The following PLD1 variants were observed in gnomAD, a reference collection of about 807,000 sequenced individuals.
PLD1 encodes choline phosphatase 1.
Under a neutral mutation model 137.1 loss-of-function variants are expected in PLD1, and 112 were observed. That is an observed-to-expected ratio of 0.82 (90% confidence interval 0.70 to 0.96). The LOEUF is 0.96. PLD1 is among the 40% of genes least tolerant of loss of function. PLD1 has a pLI of 0.00. For missense variants in PLD1, 1,321 were observed against 1,342.0 expected (o/e 0.98, Z 0.24); for synonymous variants, 431 against 454.7 (o/e 0.95, Z 0.66).
chr3:171,635,754 AG>A (rs1735048977), intron 23 of PLD1, among the ~76,000 whole-genome samples: 2 of 151,956 alleles, frequency 1.3e-5, no homozygotes, highest in Non-Finnish European at 2.9e-5. Context: ...TGGAGCACAA[AG>A]GCTTTCAAGC....
intron 23 of PLD1, among the ~76,000 whole-genome samples, chr3:171,630,958 T>C (rs990604309): frequency 2.0e-5 from 3 of 151,652 alleles, no homozygotes; most frequent in Non-Finnish European, 4.4e-5. Flanking sequence ...GGCACATGTA[T>C]ACATATGTAA....
chr3:171,737,813 G>A, intron 2 of PLD1, 79 bp downstream of exon 2: 1 of 1,470,758 alleles, frequency 6.8e-7, no homozygotes, highest in Non-Finnish European at 9.2e-7. Flanking sequence ...TCAATCATTT[G>A]CTGGTTACTT....
intron 1 of PLD1, among the ~76,000 whole-genome samples, chr3:171,750,210 G>A (rs1050823332): frequency 1.3e-5 from 2 of 152,120 alleles, no homozygotes; most frequent in East Asian, 1.9e-4. Flanking sequence ...TTTAGTGAAC[G>A]AATAAGTAGA....
At chr3:171,707,519 A>G (rs1390236947) in intron 11 of PLD1, among the ~76,000 whole-genome samples, 3 of 152,194 alleles carry the variant, frequency 2.0e-5, no homozygotes, top group Non-Finnish European at 4.4e-5. Context: ...TCCTCCTAGT[A>G]ACTGACTGAA....
chr3:171,770,263 G>C (rs753089864), intron 1 of PLD1, among the ~76,000 whole-genome samples: 35 of 152,128 alleles, frequency 2.3e-4, no homozygotes, highest in Non-Finnish European at 4.7e-4. Context: ...CAGCAAAACT[G>C]AAGACAAAAT....
At chr3:171,747,225 C>G (rs147317288) in intron 1 of PLD1, among the ~76,000 whole-genome samples, 1 of 152,152 alleles carries the variant, frequency 6.6e-6, no homozygotes, top group Non-Finnish European at 1.5e-5. Flanking sequence ...CGGCTTCATT[C>G]GTGAAGTCAG....
In PLD1 at chr3:171,612,760, T is replaced by C. The variant is rs913728826; in HGVS notation, c.2729-328A>G. 1.3e-5 allele frequency among the ~76,000 whole-genome samples: 2 copies of C among 152,208 alleles called. No individual in the cohort carries two copies. Among genetic ancestry groups the C allele is most frequent in the African/African-American group, 4.8e-5 (2 of 41,456 alleles). On this transcript the variant is annotated intron_variant, in intron 24 of 26. Transcript: ENST00000351298. This position sits in a 1 kb window ranked among gnomAD's most constrained non-coding sequence, Gnocchi z 4.1. The stretch of plus-strand genomic sequence containing the variant: ...CACACAAAAAATGGATTCTGTCTCT[T>C]CCATCCTTTGGATATCTTGGCTTGA...
At chr3:171,711,817 T>TAAAAAAAAAAAAAAAAAAA (rs36106956) in intron 9 of PLD1, among the ~76,000 whole-genome samples, 2 of 99,206 alleles carry the variant, frequency 2.0e-5, no homozygotes, top group African/African-American at 7.9e-5. Flanking sequence ...TTATAAATGC[T>TAAAAAAAAAAAAAAAAAAA]AAAAAAAAAA....
chr3:171,714,122 C>G (rs115713729), intron 8 of PLD1, 77 bp from the exon 9 acceptor site: 20,756 of 859,518 alleles, frequency 0.024, 322 homozygotes, highest in Non-Finnish European at 0.031. Flanking sequence ...TATGACAAGT[C>G]TTAAGTAATC....
chr3:171,608,424 C>T (rs1460995534), intron 25 of PLD1, among the ~76,000 whole-genome samples: 1 of 152,102 alleles, frequency 6.6e-6, no homozygotes, highest in Non-Finnish European at 1.5e-5. Flanking sequence ...GTAAACAATT[C>T]TAAAGTCCAT....
At chr3:171,706,004 T>C (rs76189056) in intron 11 of PLD1, among the ~76,000 whole-genome samples, 1 of 152,184 alleles carries the variant, frequency 6.6e-6, no homozygotes, top group African/African-American at 2.4e-5. Flanking sequence ...TCTCTTGCTC[T>C]TTAAAGAAAA....
intron 1 of PLD1, among the ~76,000 whole-genome samples, chr3:171,803,826 A>G (rs183305811): frequency 3.3e-5 from 5 of 152,328 alleles, no homozygotes; most frequent in African/African-American, 1.2e-4. Context: ...TAGTTACAGT[A>G]TTTTCACCAT....
intron 6 of PLD1, among the ~76,000 whole-genome samples, chr3:171,731,274 C>T (rs1718922389): frequency 6.6e-6 from 1 of 152,060 alleles, no homozygotes; most frequent in South Asian, 2.1e-4. Flanking sequence ...TTAACAGATA[C>T]TTTTTTAGTA....
intron 21 of PLD1, 143 bp downstream of exon 21, chr3:171,659,070 A>G: frequency 1.5e-6 from 1 of 657,272 alleles, no homozygotes; most frequent in South Asian, 1.8e-5. Context: ...GACTCAGACT[A>G]AAGGCATCAA....
At chr3:171,611,499 C>A in intron 25 of PLD1, 1 of 473,520 alleles carries the variant, frequency 2.1e-6, no homozygotes. Context: ...ATTGAATGGA[C>A]TTATTTAGGA....
chr3:171,806,055 C>T (rs7620819), intron 1 of PLD1, among the ~76,000 whole-genome samples: 131,829 of 152,280 alleles, frequency 0.87, 57,342 homozygotes, highest in Middle Eastern at 0.95. Flanking sequence ...ATAAATTAAA[C>T]GGCCATAATA....
At chr3:171,767,286 A>G (rs188446219) in intron 1 of PLD1, among the ~76,000 whole-genome samples, 2 of 152,314 alleles carry the variant, frequency 1.3e-5, no homozygotes. Context: ...GCCATGGGCA[A>G]CCTCTATATC....
chr3:171,807,390 A>C (rs1483649873), intron 1 of PLD1, among the ~76,000 whole-genome samples: 1 of 152,230 alleles, frequency 6.6e-6, no homozygotes, highest in East Asian at 1.9e-4. Flanking sequence ...CACAACCATT[A>C]TCATTAAAAT....
chr3:171,734,375 G>A (rs1001938582), intron 5 of PLD1, among the ~76,000 whole-genome samples: 1 of 152,198 alleles, frequency 6.6e-6, no homozygotes. Flanking sequence ...AGAGCAGGCA[G>A]AAGTGCCCCT....
Sources: gnomAD v4.1 joint callset for allele counts (sites outside exome capture counted in the v4.1 genomes callset) on GRCh38, gnomAD v4.1.1 for gene constraint, Gnocchi (gnomAD v3.1) non-coding constraint, MANE v1.5 for transcripts, NCBI Gene and HGNC (gene_info 2026-07-23, HGNC 2026-07-21) for gene names.